Variants in ZFAT observed in about 807,000 individuals in gnomAD.
ZFAT encodes the protein zinc finger protein ZFAT.
In ZFAT, 64 loss-of-function variants were observed where a neutral mutation model predicts 117.7. The observed-to-expected ratio is 0.54, with a 90% CI of 0.44 to 0.67. The LOEUF (loss-of-function observed/expected upper bound fraction) is 0.67, where lower values mean the gene tolerates loss of function less well. Among genes scored for constraint, ZFAT ranks in the 30% least tolerant of loss-of-function variants. The probability of loss-of-function intolerance (pLI) is 0.00; values close to 1 mark genes in which losing one functional copy is unlikely to be tolerated. For synonymous variants in ZFAT, 679 were observed against 615.0 expected, an observed-to-expected ratio of 1.10 and a Z score of -1.54; for missense variants, 1,433 against 1,584.5, an observed-to-expected ratio of 0.90 and a Z score of 1.62.
chr8:134,741,619 G>A, the ZFAT span, among the ~76,000 whole-genome samples: 4 of 152,006 alleles, frequency 2.6e-5, no homozygotes, highest in African/African-American at 9.7e-5. Context: ...GTCTTCCTGG[G>A]TAACAGAGAC....
At chr8:134,557,003 C>CTGAA (rs1373008708) in intron 11 of ZFAT, among the ~76,000 whole-genome samples, 1 of 151,572 alleles carries the variant, frequency 6.6e-6, no homozygotes, top group Non-Finnish European at 1.5e-5. Flanking sequence ...TAAATATTTA[C>CTGAA]TGATTACAGC....
chr8:134,600,689 G>A (rs1827355419), intron 6 of ZFAT, 21 bp from the exon 7 acceptor site: 1 of 1,522,908 alleles, frequency 6.6e-7, no homozygotes. Flanking sequence ...ATTTTCACAT[G>A]AGAACAAGGA....
intron 1 of ZFAT, among the ~76,000 whole-genome samples, chr8:134,667,268 C>T (rs1272494479): frequency 2.0e-5 from 3 of 151,940 alleles, no homozygotes; most frequent in African/African-American, 4.8e-5. Context: ...CCGAGATGGG[C>T]GGATCAGAGG....
At chr8:134,773,696 T>C in the ZFAT span, among the ~76,000 whole-genome samples, 4 of 152,172 alleles carry the variant, frequency 2.6e-5, no homozygotes, top group African/African-American at 7.2e-5. Flanking sequence ...CCAAACCTTA[T>C]GGATGACTTT....
Position 134,711,715 on chromosome 8 carries a change from CAGGACACATTCTCCCACATCT to C in ZFAT, c.19+1109_19+1129del, listed in dbSNP as rs530240486. ...CGGCTCTGGGCCCACTCTGTCACTC[CAGGACACATTCTCCCACATCT>C]AGCACCGCAGCAGGTGGAGGCAGGA... On this transcript the variant is annotated intron_variant, in intron 1 of 15. Coordinates refer to ENST00000377838, the MANE Select transcript of ZFAT (RefSeq NM_020863.4). Among the ~76,000 whole-genome samples, 26 of 152,332 alleles carry C rather than the reference CAGGACACATTCTCCCACATCT, an allele frequency of 1.7e-4. No individual in the cohort carries two copies. In the East Asian group the frequency reaches 4.4e-3, roughly 26 times the overall value.
chr8:134,703,595 C>G (rs1834072130), intron 1 of ZFAT, among the ~76,000 whole-genome samples: 1 of 152,230 alleles, frequency 6.6e-6, no homozygotes, highest in African/African-American at 2.4e-5. Flanking sequence ...TGGGGCTGGA[C>G]AGCCACAGGG....
At position 134,601,653 on chromosome 8, in the gene ZFAT, G is replaced by C. The variant is rs768102102; in HGVS notation, c.2066C>G (p.Ala689Gly). The C allele has an allele frequency of 2.5e-6, 4 of 1,614,204 alleles. No homozygotes were observed. The South Asian group carries it at 4.4e-5, about 18-fold the overall frequency. The change falls in exon 6 of 16, where the codon GCT becomes GGT. Residue 689 changes from alanine (A) to glycine (G), a missense_variant. By Grantham distance (60) the Ala-to-Gly change is moderately conservative (BLOSUM62 0). Transcript: ENST00000377838. ...AEASDLLPPV[A>G]GGGDTITHQP... ...ATGTGTGATGGTGTCCCCACCACCA[G>C]CTACTGGAGGGAGGAGGTCTGAGGC... is the stretch of plus-strand genomic sequence containing the variant.
rs570062497 is a variant in ZFAT at position 134,708,509 on chromosome 8, T to C, written c.19+4336A>G. The stretch of plus-strand genomic sequence containing the variant: ...GTTACCCAATTTTAAGTCCGTGTTT[T>C]TCTATAAATATGCCAAGCATTATCT... On this transcript the variant is annotated intron_variant, in intron 1 of 15. Coordinates refer to ENST00000377838, the MANE Select transcript of ZFAT (RefSeq NM_020863.4). Among the ~76,000 whole-genome samples, 160 of 152,344 alleles carry C rather than the reference T, an allele frequency of 1.1e-3. 2 individuals carry two copies. Among genetic ancestry groups the C allele is most frequent in the Middle Eastern group, 0.01 (3 of 294 alleles).
At chr8:134,597,999 A>C (rs551575353) in intron 7 of ZFAT, 22 of 152,454 alleles carry the variant, frequency 1.4e-4, no homozygotes, top group African/African-American at 5.0e-4. Context: ...AGAAAGAATC[A>C]GCACAATCCC....
At chr8:134,528,794 C>A (rs543531313) in intron 12 of ZFAT, among the ~76,000 whole-genome samples, 1 of 152,156 alleles carries the variant, frequency 6.6e-6, no homozygotes, top group East Asian at 1.9e-4. Context: ...AGAGCTTTGG[C>A]GGGAGCTGCC....
At chr8:134,513,931 T>A (rs1820054510) in intron 13 of ZFAT, among the ~76,000 whole-genome samples, 1 of 152,190 alleles carries the variant, frequency 6.6e-6, no homozygotes, top group Non-Finnish European at 1.5e-5. Context: ...AGAAGAACAT[T>A]TTGTTCTCAG....
At chr8:134,574,708 C>CA (rs1475422735) in intron 10 of ZFAT, among the ~76,000 whole-genome samples, 2 of 151,972 alleles carry the variant, frequency 1.3e-5, no homozygotes, top group Admixed American at 1.3e-4. Flanking sequence ...ATGTGCACCT[C>CA]AAACCTGAAA....
At chr8:134,554,951 T>C (rs1394930523) in intron 11 of ZFAT, among the ~76,000 whole-genome samples, 1 of 152,056 alleles carries the variant, frequency 6.6e-6, no homozygotes, top group Non-Finnish European at 1.5e-5. Flanking sequence ...ACAAATGAGA[T>C]TTATTCATTC....
the ZFAT span, among the ~76,000 whole-genome samples, chr8:134,769,687 C>T: frequency 6.6e-6 from 1 of 152,158 alleles, no homozygotes; most frequent in Non-Finnish European, 1.5e-5. Context: ...GGGCTCTGAC[C>T]CCACACTTCT....
chr8:134,711,666 G>A (rs1215337986), intron 1 of ZFAT, among the ~76,000 whole-genome samples: 1 of 152,162 alleles, frequency 6.6e-6, no homozygotes, highest in Non-Finnish European at 1.5e-5. Context: ...GCCTGATATA[G>A]TTCGGGTCTC....
At chr8:134,799,868 A>C in the ZFAT span, among the ~76,000 whole-genome samples, 1 of 152,222 alleles carries the variant, frequency 6.6e-6, no homozygotes, top group Non-Finnish European at 1.5e-5. Flanking sequence ...CACCTACAAC[A>C]CAGCATTAAT....
chr8:134,638,839 G>C (rs1446393300), intron 2 of ZFAT, among the ~76,000 whole-genome samples: 1 of 152,078 alleles, frequency 6.6e-6, no homozygotes, highest in Non-Finnish European at 1.5e-5. Context: ...AGATGTCCCT[G>C]AGCGAGACCA....
chr8:134,633,228 T>C (rs930787648), intron 3 of ZFAT, among the ~76,000 whole-genome samples: 1 of 152,042 alleles, frequency 6.6e-6, no homozygotes, highest in Non-Finnish European at 1.5e-5. Context: ...TTCTATAAAA[T>C]GGGAATAACA....
chr8:134,519,080 C>T (rs1279888457), intron 13 of ZFAT, among the ~76,000 whole-genome samples: 1 of 152,070 alleles, frequency 6.6e-6, no homozygotes, highest in African/African-American at 2.4e-5. Flanking sequence ...GGTTGTTATT[C>T]CCAAGGGTTT....
Sources: allele counts gnomAD v4.1 joint callset (sites outside exome capture counted in the v4.1 genomes callset), GRCh38; gene constraint gnomAD v4.1.1; transcripts MANE v1.5; gene names NCBI Gene and HGNC (gene_info 2026-07-23, HGNC 2026-07-21).